Variants in NASP observed in about 807,000 individuals in gnomAD.
NASP encodes the protein nuclear autoantigenic sperm protein.
In NASP, 24 loss-of-function variants were observed where a neutral mutation model predicts 89.5. The ratio of observed to expected loss-of-function variants is 0.27; its 90% CI spans 0.19 to 0.38. The LOEUF is 0.38. Among genes scored for constraint, NASP ranks in the 10% least tolerant of loss-of-function variants. The pLI is 1.00. For missense variants in NASP, 848 were observed against 921.4 expected (o/e 0.92, Z 1.03); for synonymous variants, 306 against 324.7 (o/e 0.94, Z 0.62).
intron 7 of NASP, among the ~76,000 whole-genome samples, chr1:45,613,616 G>T (rs1366349583): frequency 6.6e-6 from 1 of 152,156 alleles, no homozygotes; most frequent in Non-Finnish European, 1.5e-5. Context: ...CAGATAGCTA[G>T]GTCTCCAGAT....
In NASP at chr1:45,589,444, G is replaced by A. The variant is rs77663610; in HGVS notation, c.60-1779G>A. Among the ~76,000 whole-genome samples, 84 of 152,150 alleles carry A rather than the reference G, an allele frequency of 5.5e-4. No homozygotes were observed. In the East Asian group the frequency reaches 0.013, roughly 23 times the overall value. Reference sequence around the variant, plus strand: ...CCAGTCTGGTTTCTGGGTTTAAAACGGCCTTCTCCAAACAAATTACCAAGT... The same window carrying A: ...CCAGTCTGGTTTCTGGGTTTAAAACAGCCTTCTCCAAACAAATTACCAAGT... On this transcript the variant is annotated intron_variant, in intron 1 of 14. Coordinates refer to ENST00000350030, the MANE Select transcript of NASP (RefSeq NM_002482.4).
chr1:45,615,499 G>C, intron 11 of NASP, 28 bp downstream of exon 11: 1 of 1,589,820 alleles, frequency 6.3e-7, no homozygotes, highest in Non-Finnish European at 8.6e-7. Flanking sequence ...TTTGATAATA[G>C]CATGTTTGGT....
At chr1:45,617,037 GTT>G (rs984815732) in intron 13 of NASP, among the ~76,000 whole-genome samples, 1 of 152,144 alleles carries the variant, frequency 6.6e-6, no homozygotes, top group Non-Finnish European at 1.5e-5. Context: ...TAGAGACTGG[GTT>G]TTGCCATACT....
At chr1:45,615,702 C>T (rs1380096071) in intron 11 of NASP, 5 of 465,902 alleles carry the variant, frequency 1.1e-5, no homozygotes, top group Non-Finnish European at 1.5e-5. Flanking sequence ...CTCAGTTGAC[C>T]GATTTGTAAA....
chr1:45,586,260 GTGTGTGTGTGTGTGTGT>G (rs1644535458), intron 1 of NASP, among the ~76,000 whole-genome samples: 1 of 61,912 alleles, frequency 1.6e-5, no homozygotes, highest in African/African-American at 6.8e-5. Flanking sequence ...GTGTGTGTGT[GTGTGTGTGTGTGTGTGT>G]GTGTGTGGTG....
intron 4 of NASP, among the ~76,000 whole-genome samples, chr1:45,605,219 C>T (rs1265184087): frequency 6.6e-6 from 1 of 152,172 alleles, no homozygotes; most frequent in Admixed American, 6.5e-5. Context: ...AAGCAAAGTT[C>T]TTTCCAGTAG....
At chr1:45,616,464 AT>A in intron 12 of NASP, 71 bp downstream of exon 12, 1 of 1,559,606 alleles carries the variant, frequency 6.4e-7, no homozygotes. Flanking sequence ...TAATCCCAGC[AT>A]TTTGGGAGGC....
At chr1:45,587,846 A>T (rs1434904141) in intron 1 of NASP, among the ~76,000 whole-genome samples, 4 of 150,518 alleles carry the variant, frequency 2.7e-5, no homozygotes, top group Admixed American at 6.6e-5. Flanking sequence ...TTAGCCGAGC[A>T]TGGGTAGCAG....
rs777675559 is a variant in NASP at position 45,607,360 on chromosome 1, C to A, written c.449C>A (p.Ala150Asp). 1 of 1,613,828 alleles carries A rather than the reference C, an allele frequency of 6.2e-7. No homozygotes were observed. The highest frequency in any genetic ancestry group is 1.1e-5 in the South Asian group (1 of 91,068). The change falls in exon 6 of 15, where the codon GCC (alanine) becomes GAC (aspartate). Residue 150 changes from alanine to aspartate, a missense_variant. Transcript: ENST00000350030. ...REELREQVYD[A>D]MGEKEEAKKT... ...GAGTTGAGAGAACAGGTTTATGACGCCATGGGAGAAAAAGAAGAAGCCAAA... is the reference window on the plus strand; with the variant it reads ...GAGTTGAGAGAACAGGTTTATGACGACATGGGAGAAAAAGAAGAAGCCAAA...
intron 5 of NASP, 77 bp downstream of exon 5, chr1:45,606,668 T>G: frequency 2.0e-6 from 2 of 988,758 alleles, no homozygotes; most frequent in Non-Finnish European, 3.1e-6. Context: ...AACGGGGCTC[T>G]ACCTGTCCTG....
chr1:45,604,911 T>C (rs200276731), intron 3 of NASP, 25 bp from the exon 4 acceptor site: 5 of 1,516,546 alleles, frequency 3.3e-6, no homozygotes, highest in Non-Finnish European at 4.6e-6. Flanking sequence ...GTAATTCAGA[T>C]TTTAGATGTT....
At chr1:45,592,410 G>C (rs1643574482) in intron 2 of NASP, among the ~76,000 whole-genome samples, 1 of 152,218 alleles carries the variant, frequency 6.6e-6, no homozygotes, top group Non-Finnish European at 1.5e-5. Context: ...ACCATGCCCA[G>C]CTGATTTTAT....
intron 6 of NASP, 26 bp from the exon 7 acceptor site, chr1:45,613,143 C>A: frequency 6.3e-7 from 1 of 1,595,688 alleles, no homozygotes; most frequent in South Asian, 1.1e-5. Flanking sequence ...GTTATATTCT[C>A]AATACTGAGG....
Position 45,618,268 on chromosome 1 carries a change from T to C in NASP, c.*127T>C. ...GCAAAGGTTGAGGCTTTGATGGTTTTTTTCTTAATTATTGGCTGAATCTGC... is the reference window on the plus strand; with the variant it reads ...GCAAAGGTTGAGGCTTTGATGGTTTCTTTCTTAATTATTGGCTGAATCTGC... On this transcript the variant is annotated 3_prime_UTR_variant, in exon 15 of 15. Coordinates refer to ENST00000350030, the MANE Select transcript of NASP (RefSeq NM_002482.4). 1 of 765,784 alleles carries C rather than the reference T, an allele frequency of 1.3e-6. No individual in the cohort carries two copies. Among genetic ancestry groups the C allele is most frequent in the Non-Finnish European group, 2.1e-6 (1 of 480,544 alleles). The allele number at this position is 765,784 out of a possible 1,614,324, so 47.4% of individuals were successfully genotyped here.
At position 45,604,933 on chromosome 1, in the gene NASP, T is replaced by C; in HGVS notation, c.219-3T>C. The C allele has an allele frequency of 6.3e-7, 1 of 1,599,672 alleles. No individual in the cohort carries two copies. Among genetic ancestry groups the C allele is most frequent in the Non-Finnish European group, 8.6e-7 (1 of 1,168,060 alleles). ...AGATTTTAGATGTTTATTCTCTTTG[T>C]AGAGGTAAGAAGTATGGAGAGACAG... On this transcript the variant is annotated splice_region_variant and splice_polypyrimidine_tract_variant and intron_variant, in intron 3 of 14. Transcript: ENST00000350030.
Position 45,607,902 on chromosome 1 carries a change from G to C in NASP, c.991G>C (p.Glu331Gln). The change falls in exon 6 of 15, where the codon GAA (glutamate) becomes CAA (glutamine). Residue 331 changes from glutamate to glutamine, a missense_variant. This residue lies in a region of NASP where 464 missense variants were observed against 469.4 expected (regional missense o/e 0.99). Coordinates refer to ENST00000350030, the MANE Select transcript of NASP (RefSeq NM_002482.4). Reference sequence around the variant, plus strand: ...AAACGAGGCAGGAAAGGCGGTTCTTGAACAACTGGTAGGTCAAGAAGTACC... The same window carrying C: ...AAACGAGGCAGGAAAGGCGGTTCTTCAACAACTGGTAGGTCAAGAAGTACC... The part of the protein sequence containing the change: ...SENEAGKAVL[E>Q]QLVGQEVPPA... The C allele has an allele frequency of 6.2e-7, 1 of 1,614,124 alleles. No individual in the cohort carries two copies.
At chr1:45,613,857 G>A (rs1644058661) in intron 7 of NASP, among the ~76,000 whole-genome samples, 1 of 151,734 alleles carries the variant, frequency 6.6e-6, no homozygotes, top group Non-Finnish European at 1.5e-5. Flanking sequence ...TGCCTAGGAT[G>A]GGTGGATATA....
Position 45,591,234 on chromosome 1 carries a change from T to C in NASP, c.71T>C (p.Val24Ala). The change falls in exon 2 of 15, where the codon GTT (valine) becomes GCT (alanine). Residue 24 changes from valine to alanine, a missense_variant. Around this residue, in one of 5 missense-constraint regions of NASP, gnomAD observed 89 missense variants for 79.2 expected, o/e 1.12. Coordinates refer to ENST00000350030, the MANE Select transcript of NASP (RefSeq NM_002482.4). The stretch of plus-strand genomic sequence containing the variant: ...ATTTTTTATTACAGAATTGAAGATG[T>C]TCCTGCTCCTTCTACATCTGCAGAT... ...ELVSADKIEDVPAPSTSADKV... is the reference protein window; with the variant it reads ...ELVSADKIEDAPAPSTSADKV... The C allele has an allele frequency of 9.7e-6, 15 of 1,544,894 alleles. No homozygotes were observed. The highest frequency in any genetic ancestry group is 1.3e-5 in the Non-Finnish European group (15 of 1,147,854).
chr1:45,599,951 GTATTTTTTTT>G (rs1465236536), intron 2 of NASP, among the ~76,000 whole-genome samples: 1 of 101,944 alleles, frequency 9.8e-6, no homozygotes, highest in African/African-American at 4.3e-5. Flanking sequence ...CTTTTCCTCT[GTATTTTTTTT>G]TTTTTTTTTT....
Sources: allele counts gnomAD v4.1 joint callset (sites outside exome capture counted in the v4.1 genomes callset), GRCh38; gene constraint gnomAD v4.1.1; regional missense constraint gnomAD v4.1.1; transcripts MANE v1.5; gene names NCBI Gene and HGNC (gene_info 2026-07-23, HGNC 2026-07-21).